The following LYRM4 variants were observed in gnomAD, a reference collection of about 807,000 sequenced individuals.
The protein encoded by LYRM4 is LYR motif containing 4.
In LYRM4, 9 loss-of-function variants were observed where a neutral mutation model predicts 11.7. The observed-to-expected ratio is 0.77, with a 90% confidence interval of 0.46 to 1.34. The LOEUF (loss-of-function observed/expected upper bound fraction) is 1.34, where lower values mean the gene tolerates loss of function less well. Ranked by LOEUF, LYRM4 falls within the 40% of genes most tolerant of loss-of-function variation. LYRM4 has a pLI of 0.00. For missense variants in LYRM4, 133 were observed against 112.5 expected (o/e 1.18, Z -0.82); for synonymous variants, 42 against 40.4 (o/e 1.04, Z -0.15).
intron 2 of LYRM4, among the ~76,000 whole-genome samples, chr6:5,202,596 C>T (rs1253555861): frequency 6.6e-6 from 1 of 152,138 alleles, no homozygotes; most frequent in Non-Finnish European, 1.5e-5. Context: ...TTCCAACAGG[C>T]CTTTCCAAAG....
downstream of LYRM4, chr6:5,102,941 T>TG (rs1762548680): frequency 1.3e-5 from 2 of 152,246 alleles, no homozygotes; most frequent in Non-Finnish European, 2.9e-5. Flanking sequence ...TTCTGGGTTC[T>TG]CTTCAGGGTC....
At chr6:5,162,401 G>C (rs115683783) in intron 2 of LYRM4, among the ~76,000 whole-genome samples, 1 of 152,020 alleles carries the variant, frequency 6.6e-6, no homozygotes, top group Non-Finnish European at 1.5e-5. Flanking sequence ...AGTGTTTCCC[G>C]AAGGATGACA....
chr6:5,228,175 T>C (rs1763006953), intron 1 of LYRM4, among the ~76,000 whole-genome samples: 1 of 152,182 alleles, frequency 6.6e-6, no homozygotes, highest in African/African-American at 2.4e-5. Context: ...CATATACCTA[T>C]TGATCACAAT....
intron 1 of LYRM4, among the ~76,000 whole-genome samples, chr6:5,257,206 C>T (rs1405252512): frequency 6.6e-6 from 1 of 152,102 alleles, no homozygotes; most frequent in Non-Finnish European, 1.5e-5. Flanking sequence ...GCCCCCAGGC[C>T]CTCAAATCAG....
Position 5,165,743 on chromosome 6 carries a change from G to A in LYRM4, c.207+50875C>T, listed in dbSNP as rs186133028. On this transcript the variant is annotated intron_variant, in intron 2 of 2. Transcript: ENST00000330636. ...ATTATACTAGAGACGGGGTTTCACC[G>A]TGGTGGCTAGAGTGGTCTCGAATTC... 2.2e-3 allele frequency among the ~76,000 whole-genome samples: 334 copies of A among 152,182 alleles called. 2 individuals carry two copies. The highest frequency in any genetic ancestry group is 7.1e-3 in the African/African-American group (293 of 41,514).
At chr6:5,159,715 T>C (rs887205194) in intron 2 of LYRM4, among the ~76,000 whole-genome samples, 29 of 152,200 alleles carry the variant, frequency 1.9e-4, no homozygotes, top group African/African-American at 7.0e-4. Context: ...ACCTATCTTT[T>C]ACAATCTACC....
At chr6:5,216,838 A>G in intron 1 of LYRM4, 100 bp from the exon 2 acceptor site, 1 of 1,375,666 alleles carries the variant, frequency 7.3e-7, no homozygotes, top group Non-Finnish European at 9.8e-7. Flanking sequence ...TAACTGTTTA[A>G]TCTTCCCCTA....
intron 2 of LYRM4, among the ~76,000 whole-genome samples, chr6:5,111,040 T>A (rs1216145864): frequency 6.6e-6 from 1 of 152,140 alleles, no homozygotes; most frequent in African/African-American, 2.4e-5. Flanking sequence ...CAACCTGAAA[T>A]AGCTGCTGGG....
At chr6:5,196,238 T>G (rs1480628173) in intron 2 of LYRM4, among the ~76,000 whole-genome samples, 1 of 152,172 alleles carries the variant, frequency 6.6e-6, no homozygotes. Context: ...TAACTCTCCC[T>G]CATGTGACTG....
chr6:5,158,435 A>G (rs902806156), intron 2 of LYRM4, among the ~76,000 whole-genome samples: 1 of 133,716 alleles, frequency 7.5e-6, no homozygotes, highest in East Asian at 2.3e-4. Context: ...TGGCAGGTTT[A>G]TTTCTCTGGT....
chr6:5,177,766 C>T (rs1759806095), intron 2 of LYRM4, among the ~76,000 whole-genome samples: 1 of 152,186 alleles, frequency 6.6e-6, no homozygotes, highest in Non-Finnish European at 1.5e-5. Flanking sequence ...CAAGTTATCA[C>T]ACATAGCAGT....
chr6:5,259,824 T>A (rs1301928219), intron 1 of LYRM4, among the ~76,000 whole-genome samples: 3 of 149,360 alleles, frequency 2.0e-5, no homozygotes, highest in Non-Finnish European at 4.5e-5. Flanking sequence ...AAAAAACAAA[T>A]CTAAAAAAAA....
At chr6:5,193,817 A>G (rs935092736) in intron 2 of LYRM4, among the ~76,000 whole-genome samples, 1 of 152,160 alleles carries the variant, frequency 6.6e-6, no homozygotes, top group African/African-American at 2.4e-5. Flanking sequence ...AGAAAGGAGC[A>G]TACTATGGAT....
chr6:5,245,122 A>ATG (rs1764122810), intron 1 of LYRM4, among the ~76,000 whole-genome samples: 2 of 30,766 alleles, frequency 6.5e-5, no homozygotes, highest in African/African-American at 3.0e-4. Context: ...AAATATATAT[A>ATG]TATATATATA....
chr6:5,193,451 C>T (rs1280303873), intron 2 of LYRM4, among the ~76,000 whole-genome samples: 2 of 152,146 alleles, frequency 1.3e-5, no homozygotes, highest in Non-Finnish European at 2.9e-5. Flanking sequence ...TAATAATCCT[C>T]AGATAGAGCA....
the LYRM4 span, among the ~76,000 whole-genome samples, chr6:5,095,935 G>A: frequency 2.6e-5 from 4 of 152,034 alleles, no homozygotes; most frequent in South Asian, 6.2e-4. Context: ...AGCCGAGATC[G>A]CACAACTGCA....
At chr6:5,187,832 G>A (rs202172148) in intron 2 of LYRM4, among the ~76,000 whole-genome samples, 1 of 150,962 alleles carries the variant, frequency 6.6e-6, no homozygotes. Flanking sequence ...TGTGTTAGTG[G>A]AAAAAAAAAG....
chr6:5,073,872 T>A, the LYRM4 span, among the ~76,000 whole-genome samples: 1 of 152,114 alleles, frequency 6.6e-6, no homozygotes, highest in African/African-American at 2.4e-5. Flanking sequence ...GTGGGTAATA[T>A]GGAAGTGAAC....
intron 2 of LYRM4, among the ~76,000 whole-genome samples, chr6:5,188,366 C>T (rs1300097349): frequency 6.9e-6 from 1 of 144,158 alleles, no homozygotes; most frequent in Admixed American, 6.9e-5. Context: ...GACTCACTCT[C>T]AAAAGAAAAA....
Sources: allele counts gnomAD v4.1 joint callset (sites outside exome capture counted in the v4.1 genomes callset), GRCh38; gene constraint gnomAD v4.1.1; transcripts MANE v1.5; gene names NCBI Gene and HGNC (gene_info 2026-07-23, HGNC 2026-07-21).